SPON1: variants seen among roughly 807,000 people sequenced by gnomAD.
SPON1 encodes spondin-1.
In SPON1, 52 loss-of-function variants were observed where a neutral mutation model predicts 111.7. The ratio of observed to expected loss-of-function variants is 0.47; its 90% CI spans 0.37 to 0.59. The LOEUF (loss-of-function observed/expected upper bound fraction) is 0.59, where lower values mean the gene tolerates loss of function less well. Among genes scored for constraint, SPON1 ranks in the 20% least tolerant of loss-of-function variants. The probability of loss-of-function intolerance (pLI) is 0.00; values close to 1 mark genes in which losing one functional copy is unlikely to be tolerated. For synonymous variants in SPON1, 410 were observed against 395.8 expected, an observed-to-expected ratio of 1.04 and a Z score of -0.43; for missense variants, 957 against 1,068.5, an observed-to-expected ratio of 0.90 and a Z score of 1.46.
intron 6 of SPON1, among the ~76,000 whole-genome samples, chr11:14,154,026 TG>T (rs2133869674): frequency 6.6e-6 from 1 of 152,316 alleles, no homozygotes; most frequent in South Asian, 2.1e-4. Flanking sequence ...CTCAAGGCCT[TG>T]GGCAGCTCCA....
chr11:13,986,090 C>T (rs1848180325), intron 2 of SPON1, among the ~76,000 whole-genome samples: 1 of 152,180 alleles, frequency 6.6e-6, no homozygotes. Context: ...GTGCTAGGCA[C>T]TGAGTTAGGC....
chr11:14,262,518 GC>G, intron 14 of SPON1, 193 bp from the exon 15 acceptor site: 1 of 667,092 alleles, frequency 1.5e-6, no homozygotes, highest in South Asian at 1.9e-5. Flanking sequence ...CACCAATCCT[GC>G]CTCTGCTGCT....
intron 6 of SPON1, among the ~76,000 whole-genome samples, chr11:14,153,031 G>C (rs939114092): frequency 1.3e-5 from 2 of 152,174 alleles, no homozygotes; most frequent in African/African-American, 4.8e-5. Context: ...AGGGCCCTAA[G>C]ACAACTGCAG....
chr11:14,024,259 T>G (rs1848501515), intron 2 of SPON1, among the ~76,000 whole-genome samples: 1 of 152,214 alleles, frequency 6.6e-6, no homozygotes, highest in Admixed American at 6.5e-5. Flanking sequence ...CTTTGCCATC[T>G]GCAGGTGGCT....
Position 14,000,805 on chromosome 11 carries a change from G to A in SPON1, c.345+17852G>A, listed in dbSNP as rs148765051. On this transcript the variant is annotated intron_variant, in intron 2 of 15. Coordinates refer to ENST00000576479, the MANE Select transcript of SPON1 (RefSeq NM_006108.4). ...CTGCCTTTCTGGGCCCTAGCATTGG[G>A]TTTTACCTGAATCCCAATTTTACCA... Among the ~76,000 whole-genome samples the A allele has an allele frequency of 5.3e-3, 800 of 152,160 alleles. 9 individuals carry two copies. Among genetic ancestry groups the A allele is most frequent in the African/African-American group, 0.018 (739 of 41,510 alleles).
At chr11:14,216,782 G>T (rs563339895) in intron 6 of SPON1, among the ~76,000 whole-genome samples, 2 of 152,104 alleles carry the variant, frequency 1.3e-5, no homozygotes, top group East Asian at 1.9e-4. Context: ...TCCCAACAAG[G>T]TTGCATTGGA....
At chr11:14,032,194 T>A (rs913987241) in intron 2 of SPON1, among the ~76,000 whole-genome samples, 3 of 152,220 alleles carry the variant, frequency 2.0e-5, no homozygotes, top group Non-Finnish European at 4.4e-5. Context: ...CATACTTTAA[T>A]CCTGTCTTTT....
chr11:14,252,751 C>T (rs1364730221), intron 7 of SPON1, among the ~76,000 whole-genome samples: 2 of 152,248 alleles, frequency 1.3e-5, no homozygotes, highest in Non-Finnish European at 2.9e-5. Context: ...TGAAGGCAGG[C>T]AGAAAGGCTG....
intron 6 of SPON1, among the ~76,000 whole-genome samples, chr11:14,234,183 G>A (rs1848836340): frequency 6.6e-6 from 1 of 152,174 alleles, no homozygotes; most frequent in Non-Finnish European, 1.5e-5. Context: ...TCATGGGCTG[G>A]GCTTCCTCAC....
intron 6 of SPON1, among the ~76,000 whole-genome samples, chr11:14,231,658 C>T (rs1848804362): frequency 6.6e-6 from 1 of 152,144 alleles, no homozygotes; most frequent in Non-Finnish European, 1.5e-5. Context: ...CTTACCACCC[C>T]TCTCCACAAA....
At chr11:13,978,663 A>G (rs1185529037) in intron 1 of SPON1, among the ~76,000 whole-genome samples, 1 of 152,244 alleles carries the variant, frequency 6.6e-6, no homozygotes, top group Non-Finnish European at 1.5e-5. Flanking sequence ...GAGAAAAGGC[A>G]TGCAGGTCTT....
chr11:14,202,846 G>A (rs1161328841), intron 6 of SPON1, among the ~76,000 whole-genome samples: 3 of 152,048 alleles, frequency 2.0e-5, no homozygotes, highest in Admixed American at 6.5e-5. Flanking sequence ...ATACATCACC[G>A]ATTACACCGG....
At chr11:14,128,718 C>G (rs1365971445) in intron 5 of SPON1, among the ~76,000 whole-genome samples, 1 of 152,242 alleles carries the variant, frequency 6.6e-6, no homozygotes, top group Non-Finnish European at 1.5e-5. Context: ...CATGGCCCTA[C>G]TAGAGGTTCT....
chr11:14,214,740 C>A (rs546798689), intron 6 of SPON1, among the ~76,000 whole-genome samples: 135 of 152,288 alleles, frequency 8.9e-4, no homozygotes, highest in Admixed American at 3.1e-3. Flanking sequence ...GCCAGAGTGA[C>A]TGGAACATTG....
intron 6 of SPON1, among the ~76,000 whole-genome samples, chr11:14,197,418 C>T (rs1450006591): frequency 6.6e-6 from 1 of 151,898 alleles, no homozygotes; most frequent in African/African-American, 2.4e-5. Context: ...ACTGCAGCAT[C>T]TGGGGGGCAA....
At chr11:14,108,927 C>T (rs1189859653) in intron 5 of SPON1, among the ~76,000 whole-genome samples, 1 of 152,098 alleles carries the variant, frequency 6.6e-6, no homozygotes, top group Non-Finnish European at 1.5e-5. Context: ...CTCTATGTAT[C>T]CTAGGGGCTG....
Position 14,260,744 on chromosome 11 carries a change from CT to C in SPON1, c.1989del (p.Glu664AsnfsTer26). ...DLEQVEKCML[P>X]ECPIDCELTE... ...GAGCAGGTGGAGAAGTGCATGCTCC[CT>C]GAATGCCGTAAGTCCTGGAGCTCCT... is the stretch of plus-strand genomic sequence containing the variant. On this transcript the variant is annotated frameshift_variant, in exon 14 of 16. Transcript: ENST00000576479. LOFTEE classifies it high-confidence loss of function. The C allele has an allele frequency of 6.2e-7, 1 of 1,613,394 alleles. No homozygotes were observed. Among genetic ancestry groups the C allele is most frequent in the Non-Finnish European group, 8.5e-7 (1 of 1,179,542 alleles).
intron 6 of SPON1, among the ~76,000 whole-genome samples, chr11:14,172,869 G>T (rs1378451330): frequency 6.6e-6 from 1 of 151,962 alleles, no homozygotes; most frequent in African/African-American, 2.4e-5. Context: ...TCAGCTGTTA[G>T]TCTGATGGGC....
chr11:14,059,454 A>AC (rs1352230421), intron 3 of SPON1, among the ~76,000 whole-genome samples: 7 of 151,674 alleles, frequency 4.6e-5, no homozygotes, highest in Non-Finnish European at 7.4e-5. Flanking sequence ...ACCACCGTAG[A>AC]CCCCCCACTA....
Sources: allele counts gnomAD v4.1 joint callset (sites outside exome capture counted in the v4.1 genomes callset), GRCh38; gene constraint gnomAD v4.1.1; transcripts MANE v1.5; gene names NCBI Gene and HGNC (gene_info 2026-07-23, HGNC 2026-07-21).